The following ASIC2 variants were observed in gnomAD, a reference collection of about 807,000 sequenced individuals.
ASIC2 encodes the protein acid sensing ion channel subunit 2, also known as acid-sensing ion channel 2.
In ASIC2, 25 loss-of-function variants were observed where a neutral mutation model predicts 57.3. The observed-to-expected ratio is 0.44, with a 90% CI of 0.32 to 0.61. The LOEUF (loss-of-function observed/expected upper bound fraction) is 0.61. Among genes scored for constraint, ASIC2 ranks in the 20% least tolerant of loss-of-function variants. The probability of loss-of-function intolerance (pLI) is 0.06; values close to 1 mark genes in which losing one functional copy is unlikely to be tolerated. For missense variants in ASIC2, 641 were observed against 738.1 expected (o/e 0.87, Z 1.52); for synonymous variants, 319 against 307.5 (o/e 1.04, Z -0.39).
chr17:33,878,012 C>T (rs911328484), intron 1 of ASIC2, among the ~76,000 whole-genome samples: 3 of 152,324 alleles, frequency 2.0e-5, no homozygotes, highest in South Asian at 2.1e-4. Flanking sequence ...TGGAGTGGAC[C>T]TCCAGCGAAC....
intron 3 of ASIC2, among the ~76,000 whole-genome samples, chr17:33,085,513 T>C (rs930592554): frequency 6.6e-6 from 1 of 152,226 alleles, no homozygotes; most frequent in Non-Finnish European, 1.5e-5. Context: ...CCTCAAAATA[T>C]ACTTGGCTTA....
chr17:33,250,845 A>T (rs1331736249), intron 1 of ASIC2, among the ~76,000 whole-genome samples: 1 of 152,206 alleles, frequency 6.6e-6, no homozygotes, highest in Non-Finnish European at 1.5e-5. Context: ...TTCTGACTAA[A>T]GGCAAAAATT....
At chr17:34,151,384 G>GCA (rs1904520525) in intron 1 of ASIC2, among the ~76,000 whole-genome samples, 1 of 152,162 alleles carries the variant, frequency 6.6e-6, no homozygotes, top group South Asian at 2.1e-4. Flanking sequence ...TTATCACACT[G>GCA]CACAATAGGT....
intron 1 of ASIC2, among the ~76,000 whole-genome samples, chr17:33,888,913 T>G (rs1321805213): frequency 1.3e-5 from 2 of 152,078 alleles, no homozygotes; most frequent in Non-Finnish European, 2.9e-5. Flanking sequence ...TAGGAACCAT[T>G]GCATGGGGGA....
chr17:33,730,097 G>A (rs1462294588), intron 1 of ASIC2, among the ~76,000 whole-genome samples: 1 of 152,086 alleles, frequency 6.6e-6, no homozygotes. Flanking sequence ...GGTTCAGCAG[G>A]GAAGGGCTTT....
intron 3 of ASIC2, among the ~76,000 whole-genome samples, chr17:33,072,074 G>A (rs2092071437): frequency 1.3e-5 from 2 of 152,078 alleles, no homozygotes; most frequent in Admixed American, 6.6e-5. Context: ...CCTCTCTGGT[G>A]CTCTGTCCTG....
chr17:33,795,738 G>A (rs539442425), intron 1 of ASIC2, among the ~76,000 whole-genome samples: 63 of 152,330 alleles, frequency 4.1e-4, no homozygotes, highest in Admixed American at 2.2e-3. Context: ...TGGCCCAGGG[G>A]CCCTGTTAAT....
rs1287733964 is a variant in ASIC2 at position 33,328,554 on chromosome 17, C to T, written c.556-216487G>A. 2.0e-5 allele frequency among the ~76,000 whole-genome samples: 3 copies of T among 152,114 alleles called. No individual in the cohort carries two copies. In the East Asian group the frequency reaches 5.8e-4, roughly 29 times the overall value. The stretch of plus-strand genomic sequence containing the variant: ...TGTAATCTATTTCTGCCTCTGGTGA[C>T]CACGTTTCTGTGATAGAGACACAAC... On this transcript the variant is annotated intron_variant, in intron 1 of 9. Coordinates refer to the ASIC2 transcript ENST00000359872.
rs114568946 is a variant in ASIC2 at position 33,196,990 on chromosome 17, A to C, written c.709-84923T>G. Among the ~76,000 whole-genome samples, 467 of 152,258 alleles carry C rather than the reference A, an allele frequency of 3.1e-3. 1 individual carries two copies. The highest frequency in any genetic ancestry group is 0.011 in the African/African-American group (455 of 41,548). ...GAAAGCTGGTACATGGGACAGGGAG[A>C]GGAAAGGTGGAGAAGATGGGCACTG... On this transcript the variant is annotated intron_variant, in intron 1 of 9. Transcript: ENST00000225823.
At chr17:33,392,059 A>G (rs997638671) in intron 1 of ASIC2, among the ~76,000 whole-genome samples, 1 of 152,080 alleles carries the variant, frequency 6.6e-6, no homozygotes, top group African/African-American at 2.4e-5. Context: ...TCGCCAATGG[A>G]TTCAAAATCT....
chr17:33,938,676 G>A (rs930359232), intron 1 of ASIC2, among the ~76,000 whole-genome samples: 5 of 152,188 alleles, frequency 3.3e-5, no homozygotes, highest in African/African-American at 4.8e-5. Flanking sequence ...TTTGATCCAG[G>A]AGGGCTACTG....
intron 1 of ASIC2, among the ~76,000 whole-genome samples, chr17:34,151,391 A>C (rs2142144363): frequency 6.6e-6 from 1 of 152,324 alleles, no homozygotes; most frequent in African/African-American, 2.4e-5. Context: ...ACTGCACAAT[A>C]GGTGCTCTAT....
intron 1 of ASIC2, among the ~76,000 whole-genome samples, chr17:33,429,860 C>G (rs1911347226): frequency 6.6e-6 from 1 of 152,128 alleles, no homozygotes; most frequent in African/African-American, 2.4e-5. Flanking sequence ...TCCTAGAAAC[C>G]ATGGCTAAGG....
intron 1 of ASIC2, among the ~76,000 whole-genome samples, chr17:33,544,493 T>C (rs888871240): frequency 2.6e-5 from 4 of 152,220 alleles, no homozygotes; most frequent in African/African-American, 9.7e-5. Context: ...CTGTACCTTT[T>C]TAAATTCTCA....
chr17:34,104,931 T>C (rs1456391058), intron 1 of ASIC2, among the ~76,000 whole-genome samples: 1 of 152,062 alleles, frequency 6.6e-6, no homozygotes, highest in East Asian at 1.9e-4. Flanking sequence ...TGGTTTGATA[T>C]CAAAAATCAA....
intron 1 of ASIC2, among the ~76,000 whole-genome samples, chr17:33,251,364 C>T (rs1269460542): frequency 6.6e-6 from 1 of 152,150 alleles, no homozygotes; most frequent in Non-Finnish European, 1.5e-5. Context: ...GGGTCTTGTA[C>T]TGTCACATAG....
chr17:33,022,514 C>T (rs946986998), intron 6 of ASIC2, among the ~76,000 whole-genome samples: 41 of 152,310 alleles, frequency 2.7e-4, no homozygotes, highest in African/African-American at 9.9e-4. Flanking sequence ...ATAAAGCCCA[C>T]CCCCTGCACC....
chr17:34,067,744 T>C (rs11658185), intron 1 of ASIC2, among the ~76,000 whole-genome samples: 28,509 of 152,168 alleles, frequency 0.19, 3,447 homozygotes, highest in African/African-American at 0.33. Context: ...AATCTTTAAA[T>C]GGCTAACGTG....
At chr17:33,547,892 A>T (rs1915631193) in intron 1 of ASIC2, among the ~76,000 whole-genome samples, 1 of 152,154 alleles carries the variant, frequency 6.6e-6, no homozygotes, top group African/African-American at 2.4e-5. Context: ...AATGCCTAAA[A>T]GCAAAACTGC....
Sources: allele counts gnomAD v4.1 joint callset (sites outside exome capture counted in the v4.1 genomes callset), GRCh38; gene constraint gnomAD v4.1.1; transcripts MANE v1.5; gene names NCBI Gene and HGNC (gene_info 2026-07-23, HGNC 2026-07-21).